The following PRORP variants were observed in gnomAD, a reference collection of about 807,000 sequenced individuals.
PRORP encodes the protein protein only RNase P catalytic subunit, also known as mitochondrial ribonuclease P catalytic subunit.
In PRORP, 51 loss-of-function variants were observed where a neutral mutation model predicts 59.4. That is an observed-to-expected ratio of 0.86 (90% CI 0.69 to 1.08). The LOEUF (loss-of-function observed/expected upper bound fraction) is 1.08, where lower values mean the gene tolerates loss of function less well. PRORP is among the 50% of genes least tolerant of loss of function. PRORP has a pLI of 0.00. For missense variants in PRORP, 646 were observed against 690.3 expected (o/e 0.94, Z 0.72); for synonymous variants, 231 against 245.6 (o/e 0.94, Z 0.55).
chr14:35,126,564 GCTT>G (rs1436670122), intron 2 of PRORP, among the ~76,000 whole-genome samples, 168 bp from the exon 3 acceptor site: 2 of 152,186 alleles, frequency 1.3e-5, no homozygotes, highest in African/African-American at 4.8e-5. Flanking sequence ...AGTACCAGCA[GCTT>G]CTTAACCCCA....
rs184274345 is a variant in PRORP, at chr14:35,261,186, A to G, written c.1276-5541A>G. 3.3e-5 allele frequency among the ~76,000 whole-genome samples: 5 copies of G among 152,280 alleles called. No homozygotes were observed. The South Asian group carries it at 8.3e-4, about 25-fold the overall frequency. On this transcript the variant is annotated intron_variant, in intron 5 of 7. Coordinates refer to ENST00000534898, the MANE Select transcript of PRORP (RefSeq NM_014672.4). ...TTCTTCAGCTCCAATTCTGAGATCT[A>G]TGTGGCAAAAAGAAAACCCAGGGAA...
intron 4 of PRORP, among the ~76,000 whole-genome samples, chr14:35,146,487 G>A (rs2047613806): frequency 6.6e-6 from 1 of 151,994 alleles, no homozygotes. Flanking sequence ...TGTGAACTGA[G>A]CTCTTTATCA....
At chr14:35,172,872 AT>A (rs34525963) in intron 4 of PRORP, among the ~76,000 whole-genome samples, 27,069 of 135,818 alleles carry the variant, frequency 0.2, 2,662 homozygotes, top group Admixed American at 0.28. Flanking sequence ...AGCCAGTTTC[AT>A]TTTTTTTTTT....
chr14:35,132,473 C>A (rs1425661663), intron 4 of PRORP, among the ~76,000 whole-genome samples: 1 of 149,214 alleles, frequency 6.7e-6, no homozygotes, highest in Non-Finnish European at 1.5e-5. Flanking sequence ...AAATAAAAAA[C>A]AAGAAAAAAA....
At chr14:35,170,213 G>A (rs1163219295) in intron 4 of PRORP, among the ~76,000 whole-genome samples, 1 of 151,924 alleles carries the variant, frequency 6.6e-6, no homozygotes, top group African/African-American at 2.4e-5. Flanking sequence ...ATCTATTATA[G>A]ATAGCATTTT....
chr14:35,195,551 A>G (rs1434206164), intron 5 of PRORP, among the ~76,000 whole-genome samples: 1 of 152,146 alleles, frequency 6.6e-6, no homozygotes, highest in Non-Finnish European at 1.5e-5. Context: ...TATTTTTACA[A>G]ATACTTTTTC....
chr14:35,127,429 A>G (rs1008657979), intron 3 of PRORP, 50 bp from the exon 4 acceptor site: 1 of 1,366,888 alleles, frequency 7.3e-7, no homozygotes, highest in Non-Finnish European at 9.7e-7. Flanking sequence ...TTTTCCCCAG[A>G]ACATTATTCG....
intron 4 of PRORP, among the ~76,000 whole-genome samples, chr14:35,156,156 G>T (rs890377502): frequency 6.6e-6 from 1 of 152,204 alleles, no homozygotes; most frequent in Non-Finnish European, 1.5e-5. Flanking sequence ...TTCTGGTGTG[G>T]TTAGGCATTT....
chr14:35,181,884 A>G (rs113418592), intron 5 of PRORP, among the ~76,000 whole-genome samples: 9,315 of 152,094 alleles, frequency 0.061, 472 homozygotes, highest in African/African-American at 0.14. Context: ...AGGAACCCTA[A>G]TGGGAAGAAT....
At chr14:35,133,801 T>G (rs745628603) in intron 4 of PRORP, among the ~76,000 whole-genome samples, 13 of 152,222 alleles carry the variant, frequency 8.5e-5, no homozygotes, top group Non-Finnish European at 1.5e-4. Flanking sequence ...CAGAAGCTCT[T>G]GTTCTCTTCC....
At chr14:35,242,972 G>A (rs2050401851) in intron 5 of PRORP, among the ~76,000 whole-genome samples, 2 of 152,094 alleles carry the variant, frequency 1.3e-5, no homozygotes, top group South Asian at 4.1e-4. Context: ...AGACATCATG[G>A]TATATCTGTG....
chr14:35,148,642 C>T lies in PRORP; in HGVS notation c.1167+21031C>T, dbSNP rs567386335. On this transcript the variant is annotated intron_variant, in intron 4 of 7. Coordinates refer to ENST00000534898, the MANE Select transcript of PRORP (RefSeq NM_014672.4). ...CCATAACAAGAGAGTCAGCCTGTCC[C>T]TTGAAGTTTTGAAGTCAAGCATTGA... is the stretch of plus-strand genomic sequence containing the variant. 1.1e-4 allele frequency among the ~76,000 whole-genome samples: 17 copies of T among 152,270 alleles called. 1 individual carries two copies. In the South Asian group the frequency reaches 1.2e-3, roughly 11 times the overall value.
Position 35,275,954 on chromosome 14 carries a change from AT to A in PRORP, c.*2391del. 1 of 152,444 alleles carries A rather than the reference AT, an allele frequency of 6.6e-6. No homozygotes were observed. Among genetic ancestry groups the A allele is most frequent in the Non-Finnish European group, 1.5e-5 (1 of 68,124 alleles). The allele number at this position is 152,444 out of a possible 1,614,324, so 9.4% of individuals were successfully genotyped here. ...AATCCCACGGCTAGTTAGTGCAGACATTTCAGCCATAACCCAGCTCTTCTAA... is the reference window on the plus strand; with the variant it reads ...AATCCCACGGCTAGTTAGTGCAGACATTCAGCCATAACCCAGCTCTTCTAA... On this transcript the variant is annotated 3_prime_UTR_variant, in exon 8 of 8. Transcript: ENST00000534898.
At chr14:35,161,003 T>A (rs2048045411) in intron 4 of PRORP, among the ~76,000 whole-genome samples, 1 of 152,204 alleles carries the variant, frequency 6.6e-6, no homozygotes, top group South Asian at 2.1e-4. Flanking sequence ...GTAGACATAT[T>A]TTTCTTATAC....
intron 5 of PRORP, among the ~76,000 whole-genome samples, chr14:35,193,627 C>A (rs576688904): frequency 1.1e-4 from 16 of 147,614 alleles, no homozygotes; most frequent in Non-Finnish European, 2.4e-4. Flanking sequence ...TATATAATCC[C>A]GGGTGTATTT....
intron 5 of PRORP, among the ~76,000 whole-genome samples, chr14:35,184,279 A>G (rs1277750295): frequency 2.0e-5 from 3 of 152,292 alleles, no homozygotes; most frequent in African/African-American, 7.2e-5. Flanking sequence ...AGAAAGTTCT[A>G]GTTGTAAATG....
intron 5 of PRORP, among the ~76,000 whole-genome samples, chr14:35,264,719 G>A (rs2050996955): frequency 4.6e-5 from 7 of 152,102 alleles, no homozygotes; most frequent in Admixed American, 4.6e-4. Flanking sequence ...AGTGGCTCAC[G>A]CCTGTAATCC....
At chr14:35,246,492 G>A (rs2050488613) in intron 5 of PRORP, among the ~76,000 whole-genome samples, 1 of 152,080 alleles carries the variant, frequency 6.6e-6, no homozygotes, top group Admixed American at 6.5e-5. Flanking sequence ...TTCCAGTTCT[G>A]GAGTCTTTTG....
chr14:35,210,751 T>A (rs12881749), intron 5 of PRORP, among the ~76,000 whole-genome samples: 4 of 5,194 alleles, frequency 7.7e-4, no homozygotes, highest in African/African-American at 9.5e-4. Context: ...TTCTTTTGCC[T>A]TTTTTTTTTT....
Sources: gnomAD v4.1 joint callset for allele counts (sites outside exome capture counted in the v4.1 genomes callset) on GRCh38, gnomAD v4.1.1 for gene constraint, MANE v1.5 for transcripts, NCBI Gene and HGNC (gene_info 2026-07-23, HGNC 2026-07-21) for gene names.